The following KLHL1 variants were observed in gnomAD, a reference collection of about 807,000 sequenced individuals.
KLHL1 encodes kelch-like protein 1.
Under a neutral mutation model 77.7 loss-of-function variants are expected in KLHL1, and 47 were observed. That is an observed-to-expected ratio of 0.60 (90% confidence interval 0.48 to 0.77). The LOEUF is 0.77. KLHL1 is among the 30% of genes least tolerant of loss of function. The pLI is 0.00. For synonymous variants in KLHL1, 360 were observed against 325.2 expected, an observed-to-expected ratio of 1.11 and a Z score of -1.15; for missense variants, 925 against 910.8, an observed-to-expected ratio of 1.02 and a Z score of -0.20.
intron 1 of KLHL1, among the ~76,000 whole-genome samples, chr13:69,977,105 G>C (rs1402270788): frequency 6.6e-6 from 1 of 151,990 alleles, no homozygotes; most frequent in African/African-American, 2.4e-5. Context: ...TTTAGGAAAA[G>C]ACATTCTTAT....
intron 1 of KLHL1, among the ~76,000 whole-genome samples, chr13:70,035,057 A>C (rs1655668955): frequency 6.6e-6 from 1 of 152,148 alleles, no homozygotes; most frequent in South Asian, 2.1e-4. Context: ...ATAACTAAAT[A>C]AAATAACATT....
intron 1 of KLHL1, among the ~76,000 whole-genome samples, chr13:69,990,264 A>G (rs1352852408): frequency 6.6e-6 from 1 of 152,048 alleles, no homozygotes; most frequent in African/African-American, 2.4e-5. Flanking sequence ...TACACAGGCA[A>G]GTCTGCATAA....
At chr13:69,751,955 A>G (rs1874506376) in intron 7 of KLHL1, among the ~76,000 whole-genome samples, 1 of 152,112 alleles carries the variant, frequency 6.6e-6, no homozygotes, top group African/African-American at 2.4e-5. Context: ...TCATCTATCC[A>G]TCAACACAGC....
At chr13:70,058,296 T>C (rs1428164289) in intron 1 of KLHL1, among the ~76,000 whole-genome samples, 1 of 152,186 alleles carries the variant, frequency 6.6e-6, no homozygotes, top group Non-Finnish European at 1.5e-5. Context: ...ATTATCCTTG[T>C]TTGCAGATAA....
At chr13:69,801,067 A>AGGT (rs1237296238) in intron 6 of KLHL1, among the ~76,000 whole-genome samples, 3 of 152,168 alleles carry the variant, frequency 2.0e-5, no homozygotes, top group African/African-American at 7.2e-5. Flanking sequence ...TGACTACCTA[A>AGGT]AGCCCTCGAT....
chr13:69,895,764 T>G (rs1392511487), intron 4 of KLHL1, among the ~76,000 whole-genome samples: 2 of 150,928 alleles, frequency 1.3e-5, no homozygotes, highest in African/African-American at 4.9e-5. Flanking sequence ...AAGTTTGCAG[T>G]GGTGTGGTCT....
intron 4 of KLHL1, among the ~76,000 whole-genome samples, chr13:69,909,165 A>C (rs1396213935): frequency 2.6e-5 from 4 of 151,004 alleles, no homozygotes; most frequent in Non-Finnish European, 5.9e-5. Context: ...TCAAGACAGA[A>C]AGAGAGAGAG....
At chr13:69,913,907 G>C (rs7998143) in intron 4 of KLHL1, among the ~76,000 whole-genome samples, 85 of 152,272 alleles carry the variant, frequency 5.6e-4, no homozygotes, top group African/African-American at 1.9e-3. Flanking sequence ...TAACATTTGA[G>C]TCAGTGGACT....
chr13:69,953,444 C>G (rs1013406281), intron 3 of KLHL1, among the ~76,000 whole-genome samples: 1 of 150,950 alleles, frequency 6.6e-6, no homozygotes, highest in Non-Finnish European at 1.5e-5. Flanking sequence ...AACTCTAGAT[C>G]TAGTAGAAAA....
intron 1 of KLHL1, among the ~76,000 whole-genome samples, chr13:70,056,089 A>C (rs1435548040): frequency 6.6e-6 from 1 of 152,132 alleles, no homozygotes; most frequent in South Asian, 2.1e-4. Context: ...TCTGCTGCCT[A>C]CAATAAATAC....
At chr13:69,959,086 T>C (rs1883985971) in intron 3 of KLHL1, among the ~76,000 whole-genome samples, 1 of 152,072 alleles carries the variant, frequency 6.6e-6, no homozygotes, top group Non-Finnish European at 1.5e-5. Context: ...ATTTAAGGTA[T>C]TGGAGCACAG....
intron 7 of KLHL1, among the ~76,000 whole-genome samples, chr13:69,785,765 C>T (rs111508114): frequency 0.25 from 38,172 of 151,682 alleles, 4,918 homozygotes; most frequent in South Asian, 0.34. Flanking sequence ...GCTAGCAAGA[C>T]TAATAAAGAA....
intron 10 of KLHL1, among the ~76,000 whole-genome samples, chr13:69,702,544 A>G (rs1480962243): frequency 1.3e-5 from 2 of 151,698 alleles, no homozygotes; most frequent in Non-Finnish European, 3.0e-5. Context: ...GAAAGTGTAT[A>G]AAATGTAAGA....
At chr13:69,762,009 A>T (rs1467478015) in intron 7 of KLHL1, among the ~76,000 whole-genome samples, 3 of 152,210 alleles carry the variant, frequency 2.0e-5, no homozygotes, top group Non-Finnish European at 4.4e-5. Flanking sequence ...GATCGTTTAG[A>T]CAGATTTCAT....
chr13:69,877,297 A>G (rs942235086), intron 5 of KLHL1, among the ~76,000 whole-genome samples: 2 of 152,276 alleles, frequency 1.3e-5, no homozygotes, highest in South Asian at 2.1e-4. Context: ...TTAAGTACAT[A>G]CTACAAAGAA....
chr13:70,084,650 A>ATTTTTTTTTTTTTTTTTT (rs1887486259), intron 1 of KLHL1, among the ~76,000 whole-genome samples: 1 of 14,430 alleles, frequency 6.9e-5, no homozygotes, highest in Non-Finnish European at 1.4e-4. Flanking sequence ...TTTTTTTTTG[A>ATTTTTTTTTTTTTTTTTT]ATTTTTAGTA....
chr13:70,052,433 A>G (rs1007561761), intron 1 of KLHL1, among the ~76,000 whole-genome samples: 5 of 151,928 alleles, frequency 3.3e-5, no homozygotes, highest in Non-Finnish European at 7.4e-5. Flanking sequence ...TGTTTTGATA[A>G]TAGCTGAACT....
chr13:70,064,404 G>T (rs1271980658), intron 1 of KLHL1, among the ~76,000 whole-genome samples: 1 of 152,146 alleles, frequency 6.6e-6, no homozygotes, highest in Admixed American at 6.5e-5. Flanking sequence ...AGTTGGGGAT[G>T]ACGTGAAATG....
At chr13:69,960,039 T>C (rs1016292904) in intron 3 of KLHL1, among the ~76,000 whole-genome samples, 2 of 151,438 alleles carry the variant, frequency 1.3e-5, no homozygotes, top group African/African-American at 4.8e-5. Context: ...TTTAAAACTA[T>C]TAAGACCAAA....
Sources: allele counts gnomAD v4.1 joint callset (sites outside exome capture counted in the v4.1 genomes callset), GRCh38; gene constraint gnomAD v4.1.1; transcripts MANE v1.5; gene names NCBI Gene and HGNC (gene_info 2026-07-23, HGNC 2026-07-21).